CERKL: variants seen among roughly 807,000 people sequenced by gnomAD.
The protein encoded by CERKL is CERK like autophagy regulator, also known as ceramide kinase-like protein.
Under a neutral mutation model 63.4 loss-of-function variants are expected in CERKL, and 61 were observed. The ratio of observed to expected loss-of-function variants is 0.96; its 90% confidence interval spans 0.78 to 1.19. The LOEUF is 1.19. CERKL is among the 50% of genes most tolerant of loss of function. CERKL has a pLI of 0.00. For synonymous variants in CERKL, 250 were observed against 230.5 expected, an observed-to-expected ratio of 1.08 and a Z score of -0.77; for missense variants, 675 against 655.5, an observed-to-expected ratio of 1.03 and a Z score of -0.33.
Position 181,537,781 on chromosome 2 carries a change from A to G in CERKL, c.*403T>C, listed in dbSNP as rs572336673. 1 of 455,646 alleles carries G rather than the reference A, an allele frequency of 2.2e-6. No individual in the cohort carries two copies. Among genetic ancestry groups the G allele is most frequent in the African/African-American group, 2.0e-5 (1 of 50,114 alleles). The allele number at this position is 455,646 out of a possible 1,614,324, so 28.2% of individuals were successfully genotyped here. ...ATTGATATCTAAAAACAGAATTTGAATTGATATTTCATCTTGACTTTTAAA... is the reference window on the plus strand; with the variant it reads ...ATTGATATCTAAAAACAGAATTTGAGTTGATATTTCATCTTGACTTTTAAA... On this transcript the variant is annotated 3_prime_UTR_variant, in exon 13 of 13. Transcript: ENST00000410087.
At chr2:181,609,459 G>A (rs1485913016) in intron 1 of CERKL, among the ~76,000 whole-genome samples, 2 of 148,970 alleles carry the variant, frequency 1.3e-5, no homozygotes, top group Non-Finnish European at 3.0e-5. Context: ...ACTTTGGGAG[G>A]CCGAGAAGGG....
intron 1 of CERKL, among the ~76,000 whole-genome samples, chr2:181,613,508 CA>C (rs1160010633): frequency 6.6e-6 from 1 of 152,154 alleles, no homozygotes; most frequent in African/African-American, 2.4e-5. Context: ...TCTACTCCTG[CA>C]TTTGTGTACA....
At chr2:181,607,468 T>C (rs1467640030) in intron 1 of CERKL, among the ~76,000 whole-genome samples, 1 of 152,188 alleles carries the variant, frequency 6.6e-6, no homozygotes, top group Non-Finnish European at 1.5e-5. Flanking sequence ...AAACAGCCCT[T>C]CTCTTATAAA....
At chr2:181,553,698 A>G (rs1178501825) in intron 5 of CERKL, among the ~76,000 whole-genome samples, 1 of 152,210 alleles carries the variant, frequency 6.6e-6, no homozygotes, top group Admixed American at 6.5e-5. Context: ...CATGACTAGA[A>G]GTCAGAAAAT....
At chr2:181,540,953 G>A (rs1285667817) in intron 11 of CERKL, among the ~76,000 whole-genome samples, 1 of 152,170 alleles carries the variant, frequency 6.6e-6, no homozygotes, top group Non-Finnish European at 1.5e-5. Context: ...GGAGAAGAAA[G>A]TCTGGAGAGA....
intron 1 of CERKL, among the ~76,000 whole-genome samples, chr2:181,626,600 A>G (rs1046454804): frequency 6.6e-6 from 1 of 152,234 alleles, no homozygotes; most frequent in Admixed American, 6.5e-5. Context: ...CCAAACCTCT[A>G]ATGAGTCTGA....
chr2:181,640,337 T>C (rs1176508670), intron 1 of CERKL, among the ~76,000 whole-genome samples: 1 of 152,106 alleles, frequency 6.6e-6, no homozygotes, highest in Non-Finnish European at 1.5e-5. Context: ...CACGTACACA[T>C]GTAGACACAC....
chr2:181,582,199 G>C (rs1684541754), intron 2 of CERKL, among the ~76,000 whole-genome samples: 2 of 152,114 alleles, frequency 1.3e-5, no homozygotes, highest in South Asian at 4.1e-4. Context: ...TAAAATACCA[G>C]CCCCACTATT....
chr2:181,632,324 T>C (rs1211510486), intron 1 of CERKL, among the ~76,000 whole-genome samples: 1 of 152,210 alleles, frequency 6.6e-6, no homozygotes, highest in East Asian at 1.9e-4. Context: ...CCCTTAACAC[T>C]GGGATTTTGT....
intron 2 of CERKL, among the ~76,000 whole-genome samples, chr2:181,577,434 C>T (rs916541261): frequency 6.6e-6 from 1 of 152,046 alleles, no homozygotes; most frequent in Non-Finnish European, 1.5e-5. Flanking sequence ...AAGATATTGA[C>T]AATATCTCCA....
chr2:181,601,609 G>T (rs1473581774), intron 2 of CERKL, among the ~76,000 whole-genome samples: 2 of 152,130 alleles, frequency 1.3e-5, no homozygotes, highest in Non-Finnish European at 1.5e-5. Context: ...TGTAACACAA[G>T]AATTGGTAGA....
At chr2:181,654,384 A>G (rs949420637) in intron 1 of CERKL, among the ~76,000 whole-genome samples, 2 of 152,360 alleles carry the variant, frequency 1.3e-5, no homozygotes, top group East Asian at 1.9e-4. Flanking sequence ...CAGAGCCTTC[A>G]TAAAATACAT....
chr2:181,633,613 A>G (rs890112395), intron 1 of CERKL, among the ~76,000 whole-genome samples: 21 of 152,198 alleles, frequency 1.4e-4, no homozygotes, highest in African/African-American at 4.8e-4. Flanking sequence ...GTTTTTGAAT[A>G]AATAGCTGTC....
chr2:181,566,979 T>A (rs564553881), intron 3 of CERKL, among the ~76,000 whole-genome samples: 2 of 152,294 alleles, frequency 1.3e-5, no homozygotes, highest in East Asian at 3.9e-4. Flanking sequence ...TACATTAATC[T>A]TTCATGCTTG....
At chr2:181,578,385 T>C (rs747038765) in intron 2 of CERKL, among the ~76,000 whole-genome samples, 1 of 152,090 alleles carries the variant, frequency 6.6e-6, no homozygotes, top group Non-Finnish European at 1.5e-5. Flanking sequence ...CTACAACCTT[T>C]GCCTCCCAGG....
intron 2 of CERKL, among the ~76,000 whole-genome samples, chr2:181,586,826 A>C (rs1371576765): frequency 6.6e-6 from 1 of 152,212 alleles, no homozygotes; most frequent in Non-Finnish European, 1.5e-5. Flanking sequence ...TCCCAGACTC[A>C]CATCTGTGCT....
chr2:181,643,259 G>T (rs1050921521), intron 1 of CERKL, among the ~76,000 whole-genome samples: 2 of 152,150 alleles, frequency 1.3e-5, no homozygotes, highest in African/African-American at 4.8e-5. Flanking sequence ...TATAATATAA[G>T]CCCTTCATTT....
At chr2:181,568,382 C>G (rs1409348305) in intron 3 of CERKL, among the ~76,000 whole-genome samples, 1 of 152,150 alleles carries the variant, frequency 6.6e-6, no homozygotes, top group African/African-American at 2.4e-5. Context: ...CATCATCTAC[C>G]CCAAGACAGG....
chr2:181,557,590 TCTA>T (rs996766675), intron 5 of CERKL, among the ~76,000 whole-genome samples: 3 of 152,114 alleles, frequency 2.0e-5, no homozygotes, highest in African/African-American at 7.2e-5. Flanking sequence ...GTCTCTGACC[TCTA>T]CTTTCTCCTG....
Sources: allele counts gnomAD v4.1 joint callset (sites outside exome capture counted in the v4.1 genomes callset), GRCh38; gene constraint gnomAD v4.1.1; transcripts MANE v1.5; gene names NCBI Gene and HGNC (gene_info 2026-07-23, HGNC 2026-07-21).